DAW1: variants seen among roughly 807,000 people sequenced by gnomAD.
DAW1 encodes the protein dynein assembly factor with WD repeats 1.
Under a neutral mutation model 56.5 loss-of-function variants are expected in DAW1, and 47 were observed. The observed-to-expected ratio is 0.83, with a 90% CI of 0.66 to 1.06. The LOEUF is 1.06. DAW1 is among the 50% of genes least tolerant of loss of function. DAW1 has a pLI of 0.00. For synonymous variants in DAW1, 190 were observed against 179.0 expected (o/e 1.06, Z -0.49); for missense variants, 505 against 499.3 (o/e 1.01, Z -0.11).
At chr2:227,887,565 A>G (rs1050459697) in intron 2 of DAW1, 6 of 152,238 alleles carry the variant, frequency 3.9e-5, no homozygotes, top group Admixed American at 6.5e-5. Context: ...TCTATATGAG[A>G]GAATAACCTC....
intron 10 of DAW1, among the ~76,000 whole-genome samples, chr2:227,912,647 G>C (rs1466385533): frequency 6.6e-6 from 1 of 152,066 alleles, no homozygotes; most frequent in African/African-American, 2.4e-5. Flanking sequence ...AAACAAAAAT[G>C]TTTCCCTATG....
intron 3 of DAW1, among the ~76,000 whole-genome samples, chr2:227,890,902 A>G (rs1304020118): frequency 1.3e-5 from 2 of 152,238 alleles, no homozygotes; most frequent in East Asian, 3.8e-4. Flanking sequence ...CATTCACTGT[A>G]TGTTAGATGT....
At chr2:227,883,664 T>C (rs1691060336) in intron 1 of DAW1, among the ~76,000 whole-genome samples, 1 of 152,234 alleles carries the variant, frequency 6.6e-6, no homozygotes, top group Non-Finnish European at 1.5e-5. Flanking sequence ...TCTTTTCTTA[T>C]ACTTTGTCTA....
chr2:227,882,237 G>T (rs1279456338), intron 1 of DAW1, among the ~76,000 whole-genome samples: 1 of 152,132 alleles, frequency 6.6e-6, no homozygotes, highest in African/African-American at 2.4e-5. Flanking sequence ...CTTTCAGCAG[G>T]GTCTCAAGGT....
At chr2:227,913,369 G>A (rs1691875146) in intron 10 of DAW1, among the ~76,000 whole-genome samples, 1 of 152,012 alleles carries the variant, frequency 6.6e-6, no homozygotes, top group Admixed American at 6.5e-5. Flanking sequence ...CTATTTCTGA[G>A]TCATCACCTT....
intron 10 of DAW1, among the ~76,000 whole-genome samples, chr2:227,913,927 C>CG (rs1691890699): frequency 8.5e-6 from 1 of 117,454 alleles, no homozygotes; most frequent in African/African-American, 3.1e-5. Flanking sequence ...GTCTATCTAT[C>CG]TTCATCATCA....
At position 227,889,868 on chromosome 2, in the gene DAW1, T is replaced by C; in HGVS notation, c.126T>C (p.Ser42=). 6.3e-7 allele frequency: 1 copy of C among 1,598,754 alleles called. No individual in the cohort carries two copies. The change falls in exon 3 of 13, where the codon AGT becomes AGC. Residue 42 remains serine (S), a synonymous_variant. Transcript: ENST00000309931. ...GGGTGTATTTCAGCACTGATGTCAGTGCGTTAGTAGAAGAAATCCAGAAGG... is the reference window on the plus strand; with the variant it reads ...GGGTGTATTTCAGCACTGATGTCAGCGCGTTAGTAGAAGAAATCCAGAAGG... ...LLDLGPSTDV[S]ALVEEIQKAE...
chr2:227,923,743 G>A (rs1024413493), intron 12 of DAW1, among the ~76,000 whole-genome samples, 191 bp from the exon 13 acceptor site: 2 of 149,248 alleles, frequency 1.3e-5, no homozygotes, highest in African/African-American at 4.9e-5. Context: ...AGCTGGTATC[G>A]TGAAAAAAAA....
chr2:227,897,766 A>G (rs752253400), intron 5 of DAW1, among the ~76,000 whole-genome samples: 10 of 152,146 alleles, frequency 6.6e-5, no homozygotes, highest in Non-Finnish European at 1.2e-4. Flanking sequence ...CATATTTTTA[A>G]TGGGATTTAT....
chr2:227,902,287 G>A (rs1691564867), intron 6 of DAW1, among the ~76,000 whole-genome samples: 1 of 152,106 alleles, frequency 6.6e-6, no homozygotes, highest in Admixed American at 6.5e-5. Context: ...GTTAGCAGTT[G>A]GTACGGAAGG....
chr2:227,880,292 AGC>A (rs1379935432), intron 1 of DAW1, among the ~76,000 whole-genome samples: 1 of 151,758 alleles, frequency 6.6e-6, no homozygotes, highest in Non-Finnish European at 1.5e-5. Context: ...TCTTTTTTAT[AGC>A]ATGTGGCATA....
intron 11 of DAW1, among the ~76,000 whole-genome samples, chr2:227,920,216 C>A (rs1231457855): frequency 1.3e-5 from 2 of 152,156 alleles, no homozygotes; most frequent in Non-Finnish European, 2.9e-5. Context: ...TTTAAATGAA[C>A]ATATTACTTA....
intron 1 of DAW1, among the ~76,000 whole-genome samples, chr2:227,877,257 C>T (rs1384282384): frequency 6.6e-6 from 1 of 152,224 alleles, no homozygotes; most frequent in Non-Finnish European, 1.5e-5. Flanking sequence ...TGGCTTACTG[C>T]AACCTCTGCC....
Position 227,871,696 on chromosome 2 carries a change from C to A in DAW1, c.7C>A (p.Leu3Ile), listed in dbSNP as rs778919358. Residue 3 changes from leucine (L) to isoleucine (I), a missense_variant, in exon 1 of 13, where the codon CTC becomes ATC. Coordinates refer to ENST00000309931, the MANE Select transcript of DAW1 (RefSeq NM_178821.3). ...GGGATAAGAGAGCAAGAAAATGAAGCTCAAGAGCCTCCTGCTCCGGTATTA... is the reference window on the plus strand; with the variant it reads ...GGGATAAGAGAGCAAGAAAATGAAGATCAAGAGCCTCCTGCTCCGGTATTA... MK[L>I]KSLLLRYYPP... is the part of the protein sequence containing the mutation. The A allele has an allele frequency of 1.2e-6, 2 of 1,613,704 alleles. No homozygotes were observed. The highest frequency in any genetic ancestry group is 4.5e-5 in the East Asian group (2 of 44,874).
intron 10 of DAW1, among the ~76,000 whole-genome samples, chr2:227,910,525 C>CACACACACA (rs1553603514): frequency 6.7e-6 from 1 of 149,500 alleles, no homozygotes; most frequent in Non-Finnish European, 1.5e-5. Flanking sequence ...CACACACACA[C>CACACACACA]CCCTCATATT....
chr2:227,914,189 G>T (rs1691897400), intron 10 of DAW1, among the ~76,000 whole-genome samples: 1 of 151,908 alleles, frequency 6.6e-6, no homozygotes, highest in South Asian at 2.1e-4. Context: ...AACAAATATG[G>T]TGCTATACTG....
chr2:227,922,389 T>C (rs1026708764), intron 12 of DAW1, among the ~76,000 whole-genome samples: 34 of 152,188 alleles, frequency 2.2e-4, no homozygotes, highest in Non-Finnish European at 2.8e-4. Flanking sequence ...AAGGGTAGTT[T>C]AGATCGTGGA....
chr2:227,903,220 A>G (rs564510196), intron 7 of DAW1, 111 bp downstream of exon 7: 3 of 1,113,240 alleles, frequency 2.7e-6, no homozygotes, highest in East Asian at 2.6e-5. Context: ...TTCAAATTTT[A>G]GTGGTGAAAG....
At chr2:227,888,319 G>A (rs966479335) in intron 2 of DAW1, among the ~76,000 whole-genome samples, 1 of 152,316 alleles carries the variant, frequency 6.6e-6, no homozygotes, top group Admixed American at 6.5e-5. Context: ...CATGGGAATT[G>A]GATACTGAGA....
Sources: allele counts gnomAD v4.1 joint callset (sites outside exome capture counted in the v4.1 genomes callset), GRCh38; gene constraint gnomAD v4.1.1; transcripts MANE v1.5; gene names NCBI Gene and HGNC (gene_info 2026-07-23, HGNC 2026-07-21).